SIX3: variants seen among roughly 807,000 people sequenced by gnomAD.
SIX3 encodes the protein homeobox protein SIX3.
In SIX3, 2 loss-of-function variants were observed where a neutral mutation model predicts 21.7. The observed-to-expected ratio is 0.09, with a 90% CI of 0.04 to 0.29. SIX3 has a LOEUF of 0.29. SIX3 is among the 10% of genes least tolerant of loss of function. SIX3 has a pLI of 1.00. For missense variants in SIX3, 347 were observed against 480.7 expected (o/e 0.72, Z 2.60); for synonymous variants, 243 against 220.6 (o/e 1.10, Z -0.90).
rs1317941019 is a variant in SIX3 at position 44,944,562 on chromosome 2, C to T, written c.807-6C>T. On this transcript the variant is annotated splice_region_variant and splice_polypyrimidine_tract_variant and intron_variant, in intron 1 of 1. Transcript: ENST00000260653. Reference sequence around the variant, plus strand: ...CAGGGCGGGCGCGGATCTCTTTCTCCCGCAGGCTCCAGCACCAGGCCATTG... The same window carrying T: ...CAGGGCGGGCGCGGATCTCTTTCTCTCGCAGGCTCCAGCACCAGGCCATTG... The T allele has an allele frequency of 6.4e-7, 1 of 1,568,606 alleles. No homozygotes were observed. Among genetic ancestry groups the T allele is most frequent in the Non-Finnish European group, 8.6e-7 (1 of 1,164,392 alleles).
rs1446941052 is a variant in SIX3 at position 44,942,428 on chromosome 2, G to A, written c.324G>A (p.Leu108=). The change falls in exon 1 of 2, where the codon CTG becomes CTA. Residue 108 remains leucine, a synonymous_variant. Transcript: ENST00000260653. This position sits in a 1 kb window ranked among gnomAD's most constrained non-coding sequence, Gnocchi z 8.4. ...TLEETGDIER[L]GRFLWSLPVA... ...AGGAGACGGGCGACATCGAGCGGCT[G>A]GGCCGCTTCCTCTGGTCGCTGCCCG... 5 of 1,597,746 alleles carry A rather than the reference G, an allele frequency of 3.1e-6. No homozygotes were observed. The highest frequency in any genetic ancestry group is 3.4e-6 in the Non-Finnish European group (4 of 1,179,582).
chr2:44,944,630 C>T lies in SIX3; in HGVS notation c.869C>T (p.Thr290Met). Reference sequence around the variant, plus strand: ...TCGCTGGCCGAGCCCGGCTGCCCCACGCACGGCTCGGCAGAGTCGCCGTCC... The same window carrying T: ...TCGCTGGCCGAGCCCGGCTGCCCCATGCACGGCTCGGCAGAGTCGCCGTCC... ...MRSLAEPGCP[T>M]HGSAESPSTA... The change falls in exon 2 of 2, where the codon ACG (threonine) becomes ATG (methionine). Residue 290 changes from threonine (T) to methionine (M), a missense_variant. Coordinates refer to ENST00000260653, the MANE Select transcript of SIX3 (RefSeq NM_005413.4). 6.4e-7 allele frequency: 1 copy of T among 1,574,362 alleles called. No individual in the cohort carries two copies. The highest frequency in any genetic ancestry group is 8.6e-7 in the Non-Finnish European group (1 of 1,167,644).
At chr2:44,943,803 C>T (rs1373210676) in intron 1 of SIX3, among the ~76,000 whole-genome samples, 1 of 152,234 alleles carries the variant, frequency 6.6e-6, no homozygotes, top group Non-Finnish European at 1.5e-5. Flanking sequence ...GCCTGGTGTA[C>T]TTCAGGGAGC....
rs989756892 is a variant in SIX3, at chr2:44,944,613, C to G, written c.852C>G (p.Ala284=). Residue 284 remains alanine (A), a synonymous_variant, in exon 2 of 2, where the codon GCC becomes GCG. Coordinates refer to ENST00000260653, the MANE Select transcript of SIX3 (RefSeq NM_005413.4). ...AIGPSGMRSL[A]EPGCPTHGSA... ...GACCGAGCGGCATGCGCTCGCTGGC[C>G]GAGCCCGGCTGCCCCACGCACGGCT... 22 of 1,575,286 alleles carry G rather than the reference C, an allele frequency of 1.4e-5. No individual in the cohort carries two copies. The highest frequency in any genetic ancestry group is 1.8e-5 in the Non-Finnish European group (21 of 1,167,636).
rs1401728465 is a variant in SIX3, at chr2:44,942,204, G to C, written c.100G>C (p.Gly34Arg). Residue 34 changes from glycine to arginine, a missense_variant, in exon 1 of 2, where the codon GGC (glycine) becomes CGC (arginine). Physicochemically the swap from Gly to Arg is moderately radical, Grantham distance 125. Transcript: ENST00000260653. The surrounding 1 kb of genome is among the most constrained non-coding windows in gnomAD (Gnocchi z 8.4). The stretch of plus-strand genomic sequence containing the variant: ...CTCCATACTTCTGGCGAGTAGCGGC[G>C]GCGGGAACGGTGCGGGAGGCGGCGG... ...HRSILLASSG[G>R]GNGAGGGGGA... The C allele has an allele frequency of 3.8e-6, 6 of 1,595,444 alleles. No individual in the cohort carries two copies. Among genetic ancestry groups the C allele is most frequent in the Non-Finnish European group, 5.1e-6 (6 of 1,177,910 alleles).
rs1666572208 is a variant in SIX3, at chr2:44,941,744, C to A, written c.-361C>A. On this transcript the variant is annotated 5_prime_UTR_variant, in exon 1 of 2. It introduces an in-frame stop codon into an upstream open reading frame of the 5' UTR. Transcript: ENST00000260653. ...AGGGGAGATATTATGAGGCTGTTGT[C>A]ATTAGGGCGATTGCGGTGGAATCGC... is the stretch of plus-strand genomic sequence containing the variant. 3.3e-6 allele frequency: 1 copy of A among 305,882 alleles called. No individual in the cohort carries two copies. The highest frequency in any genetic ancestry group is 4.2e-5 in the Admixed American group (1 of 23,894). The allele number at this position is 305,882 out of a possible 1,614,324, so 18.9% of individuals were successfully genotyped here.
chr2:44,942,174 C>G lies in SIX3; in HGVS notation c.70C>G (p.His24Asp). ...GTTGCCAAACTTCGCCGATTCTCAC[C>G]ACCGCTCCATACTTCTGGCGAGTAG... The part of the protein sequence containing the change: ...FLLPNFADSH[H>D]RSILLASSGG... Residue 24 changes from histidine (H) to aspartate (D), a missense_variant, in exon 1 of 2, where the codon CAC becomes GAC. By Grantham distance (81) the His-to-Asp change is moderately conservative (BLOSUM62 -1). This residue lies in a region of SIX3 where 105 missense variants were observed against 116.1 expected (regional missense o/e 0.90). Transcript: ENST00000260653. The surrounding 1 kb of genome is among the most constrained non-coding windows in gnomAD (Gnocchi z 8.4). The G allele has an allele frequency of 6.3e-7, 1 of 1,598,198 alleles. No individual in the cohort carries two copies. Among genetic ancestry groups the G allele is most frequent in the Non-Finnish European group, 8.5e-7 (1 of 1,179,324 alleles).
At position 44,945,010 on chromosome 2, in the gene SIX3, A is replaced by C; in HGVS notation, c.*250A>C. 1.3e-5 allele frequency: 7 copies of C among 548,920 alleles called. No individual in the cohort carries two copies. Among genetic ancestry groups the C allele is most frequent in the East Asian group, 3.2e-5 (1 of 31,680 alleles). The allele number at this position is 548,920 out of a possible 1,614,324, so 34.0% of individuals were successfully genotyped here. A position where few individuals can be genotyped will look rare whatever the true frequency, so the allele number is the denominator to read the frequency against. On this transcript the variant is annotated 3_prime_UTR_variant, in exon 2 of 2. Coordinates refer to ENST00000260653, the MANE Select transcript of SIX3 (RefSeq NM_005413.4). ...CAACCCCCAACCACCATCTACCACT[A>C]CGGCCACCCCAAAGGACCCCGACGC...
rs749084625 is a variant in SIX3, at chr2:44,942,632, G to A, written c.528G>A (p.Glu176=). 4.4e-6 allele frequency: 7 copies of A among 1,596,324 alleles called. No individual in the cohort carries two copies. Among genetic ancestry groups the A allele is most frequent in the South Asian group, 2.2e-5 (2 of 90,674 alleles). Residue 176 remains glutamate, a synonymous_variant, in exon 1 of 2, where the codon GAG becomes GAA. Coordinates refer to ENST00000260653, the MANE Select transcript of SIX3 (RefSeq NM_005413.4). This position sits in a 1 kb window ranked among gnomAD's most constrained non-coding sequence, Gnocchi z 8.4. The stretch of plus-strand genomic sequence containing the variant: ...TGTGGCTCGAGGCGCACTACCAGGA[G>A]GCCGAGAAGCTGCGCGGCCGCCCAC... ...QAMWLEAHYQ[E]AEKLRGRPLG...
rs13022334 is a variant in SIX3, at chr2:44,945,786, G to A, written c.*1026G>A. 0.21 allele frequency: 31,975 copies of A among 151,944 alleles called. 3,518 individuals carry two copies. Among genetic ancestry groups the A allele is most frequent in the East Asian group, 0.36 (1,862 of 5,172 alleles). 9.4% of individuals were successfully genotyped at this position (151,944 alleles called of 1,614,324 possible). A position where few individuals can be genotyped will look rare whatever the true frequency, so the allele number is the denominator to read the frequency against. On this transcript the variant is annotated 3_prime_UTR_variant, in exon 2 of 2. Transcript: ENST00000260653. ...TCTCTGTCTTTCTCCCCGCTCAACT[G>A]TCTCTTTTCTTTTTGGGGTTCTCCT...
rs989756892 is a variant in SIX3, at chr2:44,944,613, C to A, written c.852C>A (p.Ala284=). 6.3e-7 allele frequency: 1 copy of A among 1,575,398 alleles called. No homozygotes were observed. The highest frequency in any genetic ancestry group is 8.6e-7 in the Non-Finnish European group (1 of 1,167,628). The change falls in exon 2 of 2, where the codon GCC becomes GCA. Residue 284 remains alanine (A), a synonymous_variant. Transcript: ENST00000260653. ...AIGPSGMRSL[A]EPGCPTHGSA... is the part of the protein sequence containing the mutation. Reference sequence around the variant, plus strand: ...GACCGAGCGGCATGCGCTCGCTGGCCGAGCCCGGCTGCCCCACGCACGGCT... The same window carrying A: ...GACCGAGCGGCATGCGCTCGCTGGCAGAGCCCGGCTGCCCCACGCACGGCT...
rs1461398220 is a variant in SIX3 at position 44,942,251 on chromosome 2, C to T, written c.147C>T (p.Gly49=). Reference sequence around the variant, plus strand: ...GCGGCGGCGCGGGAGGCGGCAGCGGCGGCGGGAACGGTGCGGGAGGCGGCG... The same window carrying T: ...GCGGCGGCGCGGGAGGCGGCAGCGGTGGCGGGAACGGTGCGGGAGGCGGCG... ...GGGGGAGGGS[G]GGNGAGGGGA... Residue 49 remains glycine, a synonymous_variant, in exon 1 of 2, where the codon GGC becomes GGT. Transcript: ENST00000260653. The surrounding 1 kb of genome is among the most constrained non-coding windows in gnomAD (Gnocchi z 8.4). 1 of 1,563,570 alleles carries T rather than the reference C, an allele frequency of 6.4e-7. No homozygotes were observed. Among genetic ancestry groups the T allele is most frequent in the Non-Finnish European group, 8.6e-7 (1 of 1,160,560 alleles).
rs1666682369 is a variant in SIX3 at position 44,945,782 on chromosome 2, A to G, written c.*1022A>G. ...CCTCTCTCTGTCTTTCTCCCCGCTCAACTGTCTCTTTTCTTTTTGGGGTTC... is the reference window on the plus strand; with the variant it reads ...CCTCTCTCTGTCTTTCTCCCCGCTCGACTGTCTCTTTTCTTTTTGGGGTTC... On this transcript the variant is annotated 3_prime_UTR_variant, in exon 2 of 2. Coordinates refer to ENST00000260653, the MANE Select transcript of SIX3 (RefSeq NM_005413.4). 1 of 151,874 alleles carries G rather than the reference A, an allele frequency of 6.6e-6. No homozygotes were observed. Among genetic ancestry groups the G allele is most frequent in the African/African-American group, 2.4e-5 (1 of 41,328 alleles). 9.4% of individuals were successfully genotyped at this position (151,874 alleles called of 1,614,324 possible).
rs1666606463 is a variant in SIX3, at chr2:44,942,761, C to T, written c.657C>T (p.Ser219=). The T allele has an allele frequency of 1.9e-6, 3 of 1,600,594 alleles. No individual in the cohort carries two copies. Among genetic ancestry groups the T allele is most frequent in the South Asian group, 2.2e-5 (2 of 91,076 alleles). ...ATTGCTTCAAGGAGCGGACTCGGAG[C>T]CTGTTGCGGGAGTGGTACCTACAGG... ...KTHCFKERTR[S]LLREWYLQDP... is the part of the protein sequence containing the mutation. Residue 219 remains serine, a synonymous_variant, in exon 1 of 2, where the codon AGC becomes AGT. Coordinates refer to ENST00000260653, the MANE Select transcript of SIX3 (RefSeq NM_005413.4). This position sits in a 1 kb window ranked among gnomAD's most constrained non-coding sequence, Gnocchi z 8.4.
At position 44,944,940 on chromosome 2, in the gene SIX3, A is replaced by T; in HGVS notation, c.*180A>T. Reference sequence around the variant, plus strand: ...ACACACACTCCCACCCCAGCCAAAAATATATAAAAAACAAGAAAATAACAA... The same window carrying T: ...ACACACACTCCCACCCCAGCCAAAATTATATAAAAAACAAGAAAATAACAA... On this transcript the variant is annotated 3_prime_UTR_variant, in exon 2 of 2. Coordinates refer to ENST00000260653, the MANE Select transcript of SIX3 (RefSeq NM_005413.4). 1.6e-6 allele frequency: 1 copy of T among 623,224 alleles called. No individual in the cohort carries two copies. The highest frequency in any genetic ancestry group is 2.8e-5 in the East Asian group (1 of 35,982). The allele number at this position is 623,224 out of a possible 1,614,324, so 38.6% of individuals were successfully genotyped here.
rs561377667 is a variant in SIX3 at position 44,945,512 on chromosome 2, C to T, written c.*752C>T. 6.6e-6 allele frequency: 1 copy of T among 152,152 alleles called. No individual in the cohort carries two copies. The highest frequency in any genetic ancestry group is 6.5e-5 in the Admixed American group (1 of 15,292). 9.4% of individuals were successfully genotyped at this position (152,152 alleles called of 1,614,324 possible). A position where few individuals can be genotyped will look rare whatever the true frequency, so the allele number is the denominator to read the frequency against. On this transcript the variant is annotated 3_prime_UTR_variant, in exon 2 of 2. Coordinates refer to ENST00000260653, the MANE Select transcript of SIX3 (RefSeq NM_005413.4). Reference sequence around the variant, plus strand: ...ATGCAATCTTCTGTTTTTTGTTCAGCAGACAATCATTTTCTTCGTAAGCAC... The same window carrying T: ...ATGCAATCTTCTGTTTTTTGTTCAGTAGACAATCATTTTCTTCGTAAGCAC...
intron 1 of SIX3, 38 bp from the exon 2 acceptor site, chr2:44,944,530 T>A: frequency 6.5e-7 from 1 of 1,543,144 alleles, no homozygotes; most frequent in African/African-American, 1.4e-5. Context: ...GTGGCGGGCC[T>A]CTGTGTCAGG....
rs1666588973 is a variant in SIX3, at chr2:44,942,178, G to A, written c.74G>A (p.Arg25His). The A allele has an allele frequency of 6.3e-7, 1 of 1,597,598 alleles. No homozygotes were observed. The highest frequency in any genetic ancestry group is 1.7e-5 in the Admixed American group (1 of 59,918). The change falls in exon 1 of 2, where the codon CGC becomes CAC. Residue 25 changes from arginine to histidine, a missense_variant. Around this residue, in one of 4 missense-constraint regions of SIX3, gnomAD observed 105 missense variants for 116.1 expected, o/e 0.90. Transcript: ENST00000260653. This position sits in a 1 kb window ranked among gnomAD's most constrained non-coding sequence, Gnocchi z 8.4. The stretch of plus-strand genomic sequence containing the variant: ...CCAAACTTCGCCGATTCTCACCACC[G>A]CTCCATACTTCTGGCGAGTAGCGGC... ...LLPNFADSHH[R>H]SILLASSGGG...
chr2:44,942,411 G>C lies in SIX3; in HGVS notation c.307G>C (p.Gly103Arg), dbSNP rs1326804162. 1 of 1,597,826 alleles carries C rather than the reference G, an allele frequency of 6.3e-7. No individual in the cohort carries two copies. The highest frequency in any genetic ancestry group is 1.7e-5 in the Admixed American group (1 of 59,970). The change falls in exon 1 of 2, where the codon GGC (glycine) becomes CGC (arginine). Residue 103 changes from glycine (G) to arginine (R), a missense_variant. Gly to Arg is a moderately radical substitution (Grantham distance 125). Transcript: ENST00000260653. The surrounding 1 kb of genome is among the most constrained non-coding windows in gnomAD (Gnocchi z 8.4). Reference protein sequence around the residue: ...ASVCETLEETGDIERLGRFLW... With the variant: ...ASVCETLEETRDIERLGRFLW... The stretch of plus-strand genomic sequence containing the variant: ...CGTCTGTGAGACGCTGGAGGAGACG[G>C]GCGACATCGAGCGGCTGGGCCGCTT...
Sources: allele counts gnomAD v4.1 joint callset (sites outside exome capture counted in the v4.1 genomes callset), GRCh38; gene constraint gnomAD v4.1.1; regional missense constraint gnomAD v4.1.1; non-coding constraint Gnocchi (gnomAD v3.1); transcripts MANE v1.5; gene names NCBI Gene and HGNC (gene_info 2026-07-23, HGNC 2026-07-21).